Variants in ATL3 observed in about 807,000 individuals in gnomAD.
ATL3 encodes atlastin GTPase 3.
In ATL3, 49 loss-of-function variants were observed where a neutral mutation model predicts 69.5. The observed-to-expected ratio is 0.71, with a 90% CI of 0.56 to 0.89. ATL3 has a LOEUF of 0.89. ATL3 is among the 40% of genes least tolerant of loss of function. The pLI is 0.00. For synonymous variants in ATL3, 214 were observed against 224.1 expected, an observed-to-expected ratio of 0.95 and a Z score of 0.40; for missense variants, 606 against 645.7, an observed-to-expected ratio of 0.94 and a Z score of 0.67.
chr11:63,643,356 C>A lies in ATL3; in HGVS notation c.850+1G>T. 1 of 1,604,382 alleles carries A rather than the reference C, an allele frequency of 6.2e-7. No individual in the cohort carries two copies. The highest frequency in any genetic ancestry group is 2.2e-5 in the East Asian group (1 of 44,706). ...GGTTTAAAATAACACCTGGAACACA[C>A]CTTTTAATTTCCCATCAAAGTCAGG... On this transcript the variant is annotated splice_donor_variant, in intron 8 of 12. Transcript: ENST00000398868. LOFTEE classifies it high-confidence loss of function.
rs1405033606 is a variant in ATL3, at chr11:63,658,770, A to G, written c.396T>C (p.Gly132=). The G allele has an allele frequency of 6.3e-6, 10 of 1,599,854 alleles. No homozygotes were observed. The highest frequency in any genetic ancestry group is 7.7e-6 in the Non-Finnish European group (9 of 1,176,140). The change falls in exon 3 of 13, where the codon GGT becomes GGC. Residue 132 remains glycine (G), a synonymous_variant. Transcript: ENST00000398868. ...WSEVFTVEKP[G]GKKVAVVLMD... ...TCATTTTCATCCTTACCTTCTTCCC[A>G]CCTGGCTTCTCCACAGTGAAAACTT...
intron 1 of ATL3, among the ~76,000 whole-genome samples, chr11:63,662,548 T>C (rs1940452939): frequency 6.6e-6 from 1 of 152,214 alleles, no homozygotes; most frequent in South Asian, 2.1e-4. Flanking sequence ...GGCACAATCT[T>C]GCCTCACTGC....
In ATL3 at chr11:63,652,489, A is replaced by G. The variant is rs762454350; in HGVS notation, c.492T>C (p.Thr164=). The part of the protein sequence containing the change: ...KDCATIFALS[T]MTSSVQIYNL... The stretch of plus-strand genomic sequence containing the variant: ...TTTTTACCTGAACAGAACTAGTCAT[A>G]GTGCTTAGAGCAAAGATGGTAGCAC... The change falls in exon 4 of 13, where the codon ACT becomes ACC. Residue 164 remains threonine, a synonymous_variant. Coordinates refer to ENST00000398868, the MANE Select transcript of ATL3 (RefSeq NM_015459.5). 1.8e-5 allele frequency: 29 copies of G among 1,603,700 alleles called. No homozygotes were observed. Among genetic ancestry groups the G allele is most frequent in the Non-Finnish European group, 2.5e-5 (29 of 1,173,818 alleles).
Position 63,627,486 on chromosome 11 carries a change from TAA to T in ATL3, c.*1831_*1832del, listed in dbSNP as rs746382168. ...AAAGTGTCAAAAGAAAATTCTTTGA[TAA>T]AGAGATTACATGCGAAAAGGGACTT... On this transcript the variant is annotated 3_prime_UTR_variant, in exon 13 of 13. Coordinates refer to ENST00000398868, the MANE Select transcript of ATL3 (RefSeq NM_015459.5). The T allele has an allele frequency of 6.6e-6, 1 of 152,212 alleles. No homozygotes were observed. Among genetic ancestry groups the T allele is most frequent in the Non-Finnish European group, 1.5e-5 (1 of 68,028 alleles). 9.4% of individuals were successfully genotyped at this position (152,212 alleles called of 1,614,324 possible). A position where few individuals can be genotyped will look rare whatever the true frequency, so the allele number is the denominator to read the frequency against.
chr11:63,650,811 G>A (rs935615564), intron 5 of ATL3: 2 of 152,166 alleles, frequency 1.3e-5, no homozygotes, highest in African/African-American at 2.4e-5. Context: ...AGGTGAAATG[G>A]TGACCAACTC....
chr11:63,668,790 CTTT>C (rs386373974), intron 1 of ATL3, among the ~76,000 whole-genome samples: 1 of 81,496 alleles, frequency 1.2e-5, no homozygotes, highest in Non-Finnish European at 2.3e-5. Flanking sequence ...AGCTGTGTTC[CTTT>C]TTTTTTTTTT....
chr11:63,632,726 A>C, intron 11 of ATL3: 6 of 1,245,226 alleles, frequency 4.8e-6, no homozygotes, highest in Non-Finnish European at 5.9e-6. Flanking sequence ...ATGATTAGTA[A>C]GCATTTATTC....
chr11:63,645,767 TG>T lies in ATL3; in HGVS notation c.618+739del, dbSNP rs1167419144. 4.6e-5 allele frequency among the ~76,000 whole-genome samples: 7 copies of T among 151,854 alleles called. No individual in the cohort carries two copies. The East Asian group carries it at 1.4e-3, about 29-fold the overall frequency. On this transcript the variant is annotated intron_variant, in intron 6 of 12. Transcript: ENST00000398868. ...CGACCTTTTTATTTTATTTTATTTTTGTTTTTTTCTTTTTTTTTGAGACAAA... is the reference window on the plus strand; with the variant it reads ...CGACCTTTTTATTTTATTTTATTTTTTTTTTTTCTTTTTTTTTGAGACAAA...
chr11:63,659,037 C>T lies in ATL3; in HGVS notation c.261+1G>A, dbSNP rs1445328261. 2 of 1,613,742 alleles carry T rather than the reference C, an allele frequency of 1.2e-6. No homozygotes were observed. The highest frequency in any genetic ancestry group is 1.7e-6 in the Non-Finnish European group (2 of 1,179,708). On this transcript the variant is annotated splice_donor_variant, in intron 2 of 12. Coordinates refer to ENST00000398868, the MANE Select transcript of ATL3 (RefSeq NM_015459.5). LOFTEE classifies it high-confidence loss of function. ...CTTGAAATAAAATAATTCTATCTTA[C>T]CTGAGAATATAAGTATCGTAGCATA... is the stretch of plus-strand genomic sequence containing the variant.
intron 3 of ATL3, among the ~76,000 whole-genome samples, chr11:63,656,779 A>G (rs1395806166): frequency 2.0e-5 from 3 of 152,032 alleles, no homozygotes; most frequent in Non-Finnish European, 1.5e-5. Context: ...AAGGGGCAAC[A>G]CCTTTGAAGT....
chr11:63,664,090 GA>G (rs1940502919), intron 1 of ATL3, among the ~76,000 whole-genome samples: 1 of 152,166 alleles, frequency 6.6e-6, no homozygotes, highest in Admixed American at 6.6e-5. Flanking sequence ...ACTTCTGTGT[GA>G]AAGAAAAATA....
intron 5 of ATL3, among the ~76,000 whole-genome samples, chr11:63,650,015 A>G (rs1940021513): frequency 6.6e-6 from 1 of 152,092 alleles, no homozygotes; most frequent in South Asian, 2.1e-4. Context: ...TACTAAGTCA[A>G]TTATCTCATA....
intron 3 of ATL3, among the ~76,000 whole-genome samples, chr11:63,654,384 A>G (rs1180625755): frequency 2.0e-5 from 3 of 151,238 alleles, no homozygotes; most frequent in Non-Finnish European, 4.4e-5. Context: ...TGACCTCATG[A>G]TCCGCCCGCC....
At chr11:63,634,038 C>CAAAA (rs1158615731) in intron 10 of ATL3, among the ~76,000 whole-genome samples, 33 of 75,970 alleles carry the variant, frequency 4.3e-4, no homozygotes, top group East Asian at 5.2e-4. Context: ...CTGTCTCAAA[C>CAAAA]AAAAAAAAAA....
In ATL3 at chr11:63,652,515, A is replaced by C; in HGVS notation, c.466T>G (p.Cys156Gly). 1 of 1,611,714 alleles carries C rather than the reference A, an allele frequency of 6.2e-7. No homozygotes were observed. Among genetic ancestry groups the C allele is most frequent in the Non-Finnish European group, 8.5e-7 (1 of 1,178,402 alleles). ...AFDSQSTVKD[C>G]ATIFALSTMT... The stretch of plus-strand genomic sequence containing the variant: ...GTGCTTAGAGCAAAGATGGTAGCAC[A>C]GTCTTTCACAGTTGACTGGCTGTCA... The change falls in exon 4 of 13, where the codon TGT becomes GGT. Residue 156 changes from cysteine (C) to glycine (G), a missense_variant. Coordinates refer to ENST00000398868, the MANE Select transcript of ATL3 (RefSeq NM_015459.5).
At chr11:63,632,189 T>C (rs1939343361) in intron 11 of ATL3, 2 of 565,286 alleles carry the variant, frequency 3.5e-6, no homozygotes, top group Admixed American at 5.0e-5. Context: ...AGAACAGATC[T>C]ATGACCAATG....
intron 3 of ATL3, among the ~76,000 whole-genome samples, chr11:63,656,570 CT>C (rs1940255961): frequency 1.3e-5 from 2 of 151,474 alleles, no homozygotes; most frequent in Non-Finnish European, 2.9e-5. Flanking sequence ...CCCGTCTCTA[CT>C]AAAAATACAA....
At chr11:63,638,765 C>T (rs1429337862) in intron 8 of ATL3, among the ~76,000 whole-genome samples, 1 of 151,342 alleles carries the variant, frequency 6.6e-6, no homozygotes, top group African/African-American at 2.4e-5. Flanking sequence ...TAGCTAATTA[C>T]TTCAAGAAAC....
At chr11:63,657,255 T>C (rs1274014733) in intron 3 of ATL3, among the ~76,000 whole-genome samples, 1 of 148,358 alleles carries the variant, frequency 6.7e-6, no homozygotes, top group Admixed American at 6.7e-5. Flanking sequence ...GGCATGCTTA[T>C]AGGATTGGGC....
Sources: allele counts gnomAD v4.1 joint callset (sites outside exome capture counted in the v4.1 genomes callset), GRCh38; gene constraint gnomAD v4.1.1; transcripts MANE v1.5; gene names NCBI Gene and HGNC (gene_info 2026-07-23, HGNC 2026-07-21).